CSPP1: variants seen among roughly 807,000 people sequenced by gnomAD.
The protein encoded by CSPP1 is centrosome and spindle pole-associated protein 1.
CSPP1 carries 126 observed loss-of-function variants against 164.4 expected under a neutral mutation model. That is an observed-to-expected ratio of 0.77 (90% CI 0.66 to 0.89). The LOEUF is 0.89. CSPP1 is among the 40% of genes least tolerant of loss of function. CSPP1 has a pLI of 0.00. For missense variants in CSPP1, 1,395 were observed against 1,449.8 expected (o/e 0.96, Z 0.61); for synonymous variants, 472 against 476.7 (o/e 0.99, Z 0.13).
chr8:67,139,629 G>T (rs1463839430), intron 17 of CSPP1, among the ~76,000 whole-genome samples: 2 of 152,206 alleles, frequency 1.3e-5, no homozygotes, highest in East Asian at 1.9e-4. Flanking sequence ...TTAAGAAAAT[G>T]TGGCACATAT....
At chr8:67,130,443 A>G (rs1820991446) in intron 15 of CSPP1, among the ~76,000 whole-genome samples, 1 of 152,112 alleles carries the variant, frequency 6.6e-6, no homozygotes, top group South Asian at 2.1e-4. Context: ...ATTCACATAG[A>G]CCCTCTCAAC....
chr8:67,124,648 A>G (rs1819702977), intron 15 of CSPP1, among the ~76,000 whole-genome samples: 1 of 151,918 alleles, frequency 6.6e-6, no homozygotes, highest in East Asian at 1.9e-4. Flanking sequence ...CTACAGGTGC[A>G]TACCACCAAT....
At chr8:67,173,738 G>A (rs574514526) in intron 25 of CSPP1, 24 of 152,108 alleles carry the variant, frequency 1.6e-4, no homozygotes, top group Admixed American at 4.6e-4. Flanking sequence ...TATCAATTAC[G>A]TATACTGTTA....
At chr8:67,186,559 C>T (rs1031667977) in intron 28 of CSPP1, among the ~76,000 whole-genome samples, 1 of 152,124 alleles carries the variant, frequency 6.6e-6, no homozygotes, top group Non-Finnish European at 1.5e-5. Flanking sequence ...TAAAGAACAT[C>T]TACAAAAGTC....
chr8:67,083,548 A>AAAAAAAAAAAAAAAAATATATATAT (rs1332248754), intron 3 of CSPP1: 1 of 91,484 alleles, frequency 1.1e-5, no homozygotes. Flanking sequence ...AAAAAAAAAA[A>AAAAAAAAAAAAAAAAATATATATAT]ATATATATAT....
intron 3 of CSPP1, among the ~76,000 whole-genome samples, chr8:67,082,226 T>C (rs2129542733): frequency 6.6e-6 from 1 of 152,258 alleles, no homozygotes; most frequent in Non-Finnish European, 1.5e-5. Flanking sequence ...TTTTTTGTGC[T>C]TTTCATAGAG....
chr8:67,162,144 T>C (rs561476413), intron 22 of CSPP1, among the ~76,000 whole-genome samples: 61 of 152,204 alleles, frequency 4.0e-4, no homozygotes, highest in Non-Finnish European at 7.5e-4. Context: ...TAGGTAGCTG[T>C]AGATATGCTC....
chr8:67,110,419 C>CA (rs1364265408), intron 9 of CSPP1, among the ~76,000 whole-genome samples: 1 of 152,110 alleles, frequency 6.6e-6, no homozygotes, highest in Admixed American at 6.5e-5. Context: ...CCACCAAGAA[C>CA]ATAGCTGGCT....
At chr8:67,068,257 T>G (rs901709901) in intron 1 of CSPP1, among the ~76,000 whole-genome samples, 15 of 152,250 alleles carry the variant, frequency 9.9e-5, no homozygotes, top group African/African-American at 3.4e-4. Flanking sequence ...TTTTATAGAT[T>G]AGGCATAGAG....
intron 16 of CSPP1, chr8:67,136,055 T>G (rs567837280): frequency 6.6e-6 from 1 of 152,234 alleles, no homozygotes; most frequent in African/African-American, 2.4e-5. Flanking sequence ...CCATCTTATG[T>G]GTGTGTGATT....
At chr8:67,111,554 T>G (rs773216949) in intron 9 of CSPP1, among the ~76,000 whole-genome samples, 3 of 152,162 alleles carry the variant, frequency 2.0e-5, no homozygotes, top group Non-Finnish European at 2.9e-5. Context: ...TAGTGAGATT[T>G]TGAGGCTCCA....
intron 21 of CSPP1, among the ~76,000 whole-genome samples, chr8:67,159,451 T>C (rs1171372072): frequency 1.3e-5 from 2 of 151,082 alleles, no homozygotes; most frequent in Non-Finnish European, 2.9e-5. Context: ...TTTGTTATGG[T>C]TCATGACAAG....
At chr8:67,176,456 C>G (rs565871763) in intron 26 of CSPP1, among the ~76,000 whole-genome samples, 10 of 152,090 alleles carry the variant, frequency 6.6e-5, no homozygotes, top group Non-Finnish European at 1.5e-4. Flanking sequence ...ATTGTCGTCC[C>G]TTCATCTGGT....
chr8:67,166,640 T>C (rs189783496), intron 24 of CSPP1, among the ~76,000 whole-genome samples: 125 of 152,336 alleles, frequency 8.2e-4, no homozygotes, highest in Middle Eastern at 6.8e-3. Context: ...TAGTGTTTTT[T>C]TTCTATATTT....
Position 67,149,830 on chromosome 8 carries a change from C to T in CSPP1, c.2023C>T (p.Pro675Ser). The change falls in exon 18 of 31, where the codon CCA becomes TCA. Residue 675 changes from proline (P) to serine (S), a missense_variant. By Grantham distance (74) the Pro-to-Ser change is moderately conservative. Transcript: ENST00000678616. Reference sequence around the variant, plus strand: ...ACAAAATATAGATGCCTACCATAACCCAGATGCAAGAACATATGAAGATAA... The same window carrying T: ...ACAAAATATAGATGCCTACCATAACTCAGATGCAAGAACATATGAAGATAA... Reference protein sequence around the residue: ...HRQNIDAYHNPDARTYEDKRA... With the variant: ...HRQNIDAYHNSDARTYEDKRA... 6.2e-7 allele frequency: 1 copy of T among 1,603,582 alleles called. No individual in the cohort carries two copies. The highest frequency in any genetic ancestry group is 8.5e-7 in the Non-Finnish European group (1 of 1,175,718).
intron 11 of CSPP1, chr8:67,114,069 C>T: frequency 2.5e-6 from 1 of 405,200 alleles, no homozygotes; most frequent in Non-Finnish European, 4.4e-6. Flanking sequence ...ATTTGTGTGT[C>T]ATTTTTTTAA....
At position 67,116,052 on chromosome 8, in the gene CSPP1, C is replaced by A; in HGVS notation, c.1426C>A (p.Pro476Thr). 4 of 1,614,110 alleles carry A rather than the reference C, an allele frequency of 2.5e-6. No homozygotes were observed. Among genetic ancestry groups the A allele is most frequent in the Non-Finnish European group, 3.4e-6 (4 of 1,179,986 alleles). The change falls in exon 13 of 31, where the codon CCT (proline) becomes ACT (threonine). Residue 476 changes from proline to threonine, a missense_variant. By Grantham distance (38) the Pro-to-Thr change is conservative. Transcript: ENST00000678616. ...PSVPPIPSVH[P>T]VPSQNEDLRS... The stretch of plus-strand genomic sequence containing the variant: ...TGTCCCACCCATCCCATCAGTTCAT[C>A]CTGTTCCTTCTCAAAATGAAGATTT...
intron 2 of CSPP1, among the ~76,000 whole-genome samples, chr8:67,075,178 T>C (rs902614295): frequency 3.9e-5 from 6 of 152,178 alleles, no homozygotes; most frequent in Non-Finnish European, 7.3e-5. Context: ...CTTACTGAGA[T>C]TGTGTTAGGT....
chr8:67,186,418 T>TAA (rs60962928), intron 28 of CSPP1, among the ~76,000 whole-genome samples: 1 of 140,468 alleles, frequency 7.1e-6, no homozygotes. Context: ...TGTTTTAAAT[T>TAA]AAAAAAAAAA....
Sources: gnomAD v4.1 joint callset for allele counts (sites outside exome capture counted in the v4.1 genomes callset) on GRCh38, gnomAD v4.1.1 for gene constraint, MANE v1.5 for transcripts, NCBI Gene and HGNC (gene_info 2026-07-23, HGNC 2026-07-21) for gene names.